Variants in CHST9 observed in about 807,000 individuals in gnomAD.
The protein encoded by CHST9 is GalNAc-4-sulfotransferase 2.
Under a neutral mutation model 44.4 loss-of-function variants are expected in CHST9, and 41 were observed. The observed-to-expected ratio is 0.92, with a 90% CI of 0.72 to 1.20. The LOEUF is 1.20. CHST9 is among the 50% of genes most tolerant of loss of function. CHST9 has a pLI of 0.00. For synonymous variants in CHST9, 171 were observed against 178.4 expected, an observed-to-expected ratio of 0.96 and a Z score of 0.33; for missense variants, 504 against 516.5, an observed-to-expected ratio of 0.98 and a Z score of 0.23.
At chr18:27,065,041 T>C (rs1598691548) in intron 2 of CHST9, among the ~76,000 whole-genome samples, 1 of 152,230 alleles carries the variant, frequency 6.6e-6, no homozygotes, top group Non-Finnish European at 1.5e-5. Flanking sequence ...GAAGCTTTTC[T>C]TCCTGTGTGT....
At chr18:27,152,614 G>A (rs950213537) in intron 1 of CHST9, among the ~76,000 whole-genome samples, 9 of 152,118 alleles carry the variant, frequency 5.9e-5, no homozygotes, top group African/African-American at 1.7e-4. Context: ...GCACTTACAT[G>A]CCAGTTAAGC....
intron 5 of CHST9, among the ~76,000 whole-genome samples, chr18:26,932,329 CCTT>C (rs2055893229): frequency 6.6e-6 from 1 of 152,182 alleles, no homozygotes; most frequent in Non-Finnish European, 1.5e-5. Flanking sequence ...CAACAAATCT[CCTT>C]ATCTTCATGG....
intron 2 of CHST9, among the ~76,000 whole-genome samples, chr18:27,128,332 C>T (rs535996804): frequency 1.8e-4 from 28 of 152,238 alleles, no homozygotes; most frequent in Non-Finnish European, 3.1e-4. Context: ...TGCAGTGGCG[C>T]GATCTTGGCT....
intron 1 of CHST9, among the ~76,000 whole-genome samples, chr18:27,169,196 T>C (rs1040503522): frequency 6.6e-6 from 1 of 152,200 alleles, no homozygotes; most frequent in South Asian, 2.1e-4. Flanking sequence ...ACTGACATGA[T>C]ATATGTATGT....
intron 4 of CHST9, chr18:26,952,263 A>C: frequency 1.9e-6 from 1 of 526,052 alleles, no homozygotes; most frequent in Non-Finnish European, 3.8e-6. Context: ...CCTGAGATCC[A>C]GTCGGCTTTT....
chr18:26,927,720 CT>C (rs201202448), intron 5 of CHST9, among the ~76,000 whole-genome samples: 81,036 of 148,692 alleles, frequency 0.54, 21,916 homozygotes, highest in East Asian at 0.73. Flanking sequence ...CATTCCATTG[CT>C]CAGGGATGAC....
intron 3 of CHST9, among the ~76,000 whole-genome samples, chr18:27,044,066 C>CG (rs138736090): frequency 6.6e-4 from 100 of 151,790 alleles, no homozygotes; most frequent in Admixed American, 5.0e-3. Context: ...CCCTTCCCCC[C>CG]CCTTTATTTT....
chr18:27,153,558 GTGTGTGTGTA>G (rs1209305932), intron 1 of CHST9, among the ~76,000 whole-genome samples: 1 of 135,182 alleles, frequency 7.4e-6, no homozygotes, highest in African/African-American at 2.7e-5. Context: ...GTGTGTGTGT[GTGTGTGTGTA>G]TGTGTGTGTG....
At chr18:26,960,564 A>G (rs762110012) in intron 4 of CHST9, among the ~76,000 whole-genome samples, 13 of 152,250 alleles carry the variant, frequency 8.5e-5, no homozygotes, top group Non-Finnish European at 1.5e-4. Context: ...ATCGGAGAAC[A>G]ACAGAATTGT....
At chr18:26,994,773 G>C (rs2056865620) in intron 4 of CHST9, among the ~76,000 whole-genome samples, 1 of 151,936 alleles carries the variant, frequency 6.6e-6, no homozygotes, top group African/African-American at 2.4e-5. Flanking sequence ...ATTTTTAGTA[G>C]AGATGGGGTT....
intron 2 of CHST9, among the ~76,000 whole-genome samples, chr18:27,139,409 C>T (rs2058545713): frequency 6.6e-6 from 1 of 151,826 alleles, no homozygotes; most frequent in African/African-American, 2.4e-5. Context: ...AACATCAAAG[C>T]ACATATTCAT....
intron 2 of CHST9, among the ~76,000 whole-genome samples, chr18:27,136,076 TG>T (rs1203718663): frequency 6.6e-6 from 1 of 152,114 alleles, no homozygotes; most frequent in Admixed American, 6.5e-5. Flanking sequence ...TCAGTAACTC[TG>T]GGGGTGGAAC....
chr18:27,012,479 T>C (rs1276154139), intron 4 of CHST9, among the ~76,000 whole-genome samples: 1 of 151,990 alleles, frequency 6.6e-6, no homozygotes, highest in Non-Finnish European at 1.5e-5. Context: ...ATTGAATAGG[T>C]AGAGGAGGAG....
At chr18:27,053,136 A>AGAAGAAGAAGAAGAAGAAGAAGAG (rs1568150787) in intron 2 of CHST9, among the ~76,000 whole-genome samples, 3 of 92,090 alleles carry the variant, frequency 3.3e-5, no homozygotes, top group Non-Finnish European at 6.4e-5. Flanking sequence ...AAGAGGAAGA[A>AGAAGAAGAAGAAGAAGAAGAAGAG]GAAGAAGAAG....
chr18:27,123,637 C>T (rs1045809720), intron 2 of CHST9, among the ~76,000 whole-genome samples: 1 of 152,146 alleles, frequency 6.6e-6, no homozygotes, highest in Non-Finnish European at 1.5e-5. Flanking sequence ...TCCAAGACAC[C>T]TTATTAGTTC....
chr18:26,915,499 T>C lies in CHST9; in HGVS notation c.*760A>G, dbSNP rs2055503000. The C allele has an allele frequency of 6.6e-6, 1 of 152,230 alleles. No individual in the cohort carries two copies. The highest frequency in any genetic ancestry group is 1.5e-5 in the Non-Finnish European group (1 of 68,048). The allele number at this position is 152,230 out of a possible 1,614,324, so 9.4% of individuals were successfully genotyped here. On this transcript the variant is annotated 3_prime_UTR_variant, in exon 6 of 6. Coordinates refer to ENST00000618847, the MANE Select transcript of CHST9 (RefSeq NM_031422.6). ...GAGCACATTTATATCTGATGAGACT[T>C]AAGCTTCTCAACTGCCTGCTTCAGA... is the stretch of plus-strand genomic sequence containing the variant.
chr18:26,918,501 T>TTGCATATATATATATATAG (rs2055580973), intron 5 of CHST9, among the ~76,000 whole-genome samples: 1 of 131,062 alleles, frequency 7.6e-6, no homozygotes. Flanking sequence ...ATACACATGA[T>TTGCATATATATATATATAG]TGCATATATA....
intron 4 of CHST9, among the ~76,000 whole-genome samples, chr18:26,975,243 G>C (rs997733790): frequency 6.6e-6 from 1 of 152,116 alleles, no homozygotes; most frequent in Non-Finnish European, 1.5e-5. Context: ...AGAGACATAG[G>C]GAACAGGAAG....
chr18:26,953,437 T>G (rs547106461), intron 4 of CHST9, among the ~76,000 whole-genome samples: 1 of 152,036 alleles, frequency 6.6e-6, no homozygotes, highest in African/African-American at 2.4e-5. Flanking sequence ...CAGAGGTGGG[T>G]TATAAAGGAA....
Sources: allele counts gnomAD v4.1 joint callset (sites outside exome capture counted in the v4.1 genomes callset), GRCh38; gene constraint gnomAD v4.1.1; transcripts MANE v1.5; gene names NCBI Gene and HGNC (gene_info 2026-07-23, HGNC 2026-07-21).